The following GLIS3 variants were observed in gnomAD, a reference collection of about 807,000 sequenced individuals.
The protein encoded by GLIS3 is GLIS family zinc finger 3.
Under a neutral mutation model 78.6 loss-of-function variants are expected in GLIS3, and 53 were observed. The ratio of observed to expected loss-of-function variants is 0.67; its 90% CI spans 0.54 to 0.85. The LOEUF (loss-of-function observed/expected upper bound fraction) is 0.85. GLIS3 is among the 40% of genes least tolerant of loss of function. GLIS3 has a pLI of 0.00. For synonymous variants in GLIS3, 684 were observed against 509.9 expected (o/e 1.34, Z -4.60); for missense variants, 1,703 against 1,231.1 (o/e 1.38, Z -5.74).
chr9:4,197,021 G>A (rs1298933089), intron 2 of GLIS3, among the ~76,000 whole-genome samples: 1 of 152,190 alleles, frequency 6.6e-6, no homozygotes, highest in African/African-American at 2.4e-5. Context: ...CACGGACATA[G>A]ATCGTGGTGC....
chr9:4,328,109 T>TCAGTG (rs1817629583), intron 2 of GLIS3, among the ~76,000 whole-genome samples: 1 of 152,124 alleles, frequency 6.6e-6, no homozygotes. Context: ...CGTGGCCCAC[T>TCAGTG]GATGGAAAAG....
intron 4 of GLIS3, among the ~76,000 whole-genome samples, chr9:4,005,469 T>TA (rs1352989458): frequency 6.6e-6 from 1 of 152,234 alleles, no homozygotes; most frequent in Non-Finnish European, 1.5e-5. Flanking sequence ...AACATGGCCC[T>TA]AGGAGCTAAA....
the GLIS3 span, among the ~76,000 whole-genome samples, chr9:4,408,802 CAAT>C: frequency 6.7e-6 from 1 of 149,200 alleles, no homozygotes; most frequent in Non-Finnish European, 1.5e-5. Context: ...GGATTATAGT[CAAT>C]AATAATTTAA....
chr9:4,291,598 A>C (rs763886733), intron 1 of GLIS3, among the ~76,000 whole-genome samples: 33 of 152,134 alleles, frequency 2.2e-4, no homozygotes, highest in Admixed American at 2.6e-4. Context: ...GAAGAAAGAA[A>C]GGAGAGAAAA....
At position 4,184,988 on chromosome 9, in the gene GLIS3, T is replaced by C. The variant is rs565608775; in HGVS notation, c.389-59047A>G. Among the ~76,000 whole-genome samples, 3 of 152,328 alleles carry C rather than the reference T, an allele frequency of 2.0e-5. No individual in the cohort carries two copies. In the South Asian group the frequency reaches 6.2e-4, roughly 32 times the overall value. On this transcript the variant is annotated intron_variant, in intron 2 of 10. Coordinates refer to ENST00000381971, the MANE Select transcript of GLIS3 (RefSeq NM_001042413.2). ...TTATTGAGGTACATTTTACACACCA[T>C]AAAATTCACCTTTGATTATTAGTAA...
intron 2 of GLIS3, among the ~76,000 whole-genome samples, chr9:4,139,743 G>C (rs977353112): frequency 6.6e-6 from 1 of 152,106 alleles, no homozygotes; most frequent in African/African-American, 2.4e-5. Flanking sequence ...TTAGATTCTC[G>C]TAAGGAGCAC....
intron 2 of GLIS3, among the ~76,000 whole-genome samples, chr9:4,276,324 GAGGGGAGGAGAGGGAAGGAGAGGGC>G: frequency 8.4e-6 from 1 of 119,028 alleles, no homozygotes; most frequent in Non-Finnish European, 1.8e-5. Context: ...GAGGGGAGGG[GAGGGGAGGAGAGGGAAGGAGAGGGC>G]ACGGGAGGGA....
rs369869269 is a variant in GLIS3 at position 4,129,717 on chromosome 9, G to A, written c.389-3776C>T. Among the ~76,000 whole-genome samples the A allele has an allele frequency of 3.9e-5, 6 of 152,242 alleles. No homozygotes were observed. The East Asian group carries it at 5.8e-4, about 15-fold the overall frequency. On this transcript the variant is annotated intron_variant, in intron 2 of 10. Coordinates refer to ENST00000381971, the MANE Select transcript of GLIS3 (RefSeq NM_001042413.2). The stretch of plus-strand genomic sequence containing the variant: ...TTTTCTTTATAAATTAGCCAGGCTC[G>A]GGTATTTCTTTATAGCAATGCGAGA...
At chr9:4,064,558 G>A (rs1053330605) in intron 4 of GLIS3, among the ~76,000 whole-genome samples, 1 of 152,272 alleles carries the variant, frequency 6.6e-6, no homozygotes, top group Admixed American at 6.5e-5. Context: ...CCAAGGCCGA[G>A]GCAGGCAGTT....
Position 4,020,242 on chromosome 9 carries a change from G to A in GLIS3, c.1711-83053C>T, listed in dbSNP as rs143650728. ...GTGCAGCAGGAACAGCTGCCCTTGT[G>A]GTAGGAATGGCTGTAAAAGGGGAGG... On this transcript the variant is annotated intron_variant, in intron 4 of 10. Transcript: ENST00000381971. Among the ~76,000 whole-genome samples the A allele has an allele frequency of 1.1e-3, 167 of 152,260 alleles. 1 individual carries two copies. Among genetic ancestry groups the A allele is most frequent in the African/African-American group, 3.9e-3 (160 of 41,546 alleles).
chr9:4,267,088 T>G (rs1826083666), intron 2 of GLIS3, among the ~76,000 whole-genome samples: 1 of 151,888 alleles, frequency 6.6e-6, no homozygotes, highest in Non-Finnish European at 1.5e-5. Context: ...TAAAGGTGAG[T>G]GTCACTGCTT....
At chr9:3,968,404 A>T (rs1403481128) in intron 4 of GLIS3, among the ~76,000 whole-genome samples, 1 of 152,182 alleles carries the variant, frequency 6.6e-6, no homozygotes, top group Non-Finnish European at 1.5e-5. Flanking sequence ...AACAAACAAA[A>T]TTTTTTTAAA....
At chr9:4,274,712 G>A (rs1488761014) in intron 2 of GLIS3, among the ~76,000 whole-genome samples, 1 of 152,106 alleles carries the variant, frequency 6.6e-6, no homozygotes, top group Non-Finnish European at 1.5e-5. Flanking sequence ...TAAGCACAGG[G>A]CACCCCTTCT....
intron 4 of GLIS3, among the ~76,000 whole-genome samples, chr9:4,009,539 G>T (rs917186265): frequency 6.6e-6 from 1 of 152,218 alleles, no homozygotes; most frequent in African/African-American, 2.4e-5. Context: ...GGGACTGGGG[G>T]AAGGAGGCAG....
the GLIS3 span, among the ~76,000 whole-genome samples, chr9:4,380,422 C>A: frequency 0.24 from 36,440 of 152,084 alleles, 5,455 homozygotes; most frequent in African/African-American, 0.41. Context: ...AGTCAGGTGA[C>A]AACAGAGTAT....
intron 2 of GLIS3, among the ~76,000 whole-genome samples, chr9:4,243,162 G>A (rs911490): frequency 0.75 from 113,596 of 152,064 alleles, 44,190 homozygotes; most frequent in East Asian, 0.95. Context: ...ACCTTAATCC[G>A]ATTTTGGTAT....
intron 2 of GLIS3, among the ~76,000 whole-genome samples, chr9:4,337,321 A>G (rs566134275): frequency 1.4e-4 from 21 of 152,382 alleles, no homozygotes; most frequent in Middle Eastern, 3.4e-3. Context: ...AATGTCTAAC[A>G]ATCAGAAAAT....
the GLIS3 span, among the ~76,000 whole-genome samples, chr9:4,440,614 T>C: frequency 3.9e-5 from 6 of 152,240 alleles, no homozygotes; most frequent in Non-Finnish European, 8.8e-5. Flanking sequence ...TTCAGCTTTG[T>C]TCTTTTTGGT....
At chr9:4,018,745 A>G (rs1822633597) in intron 4 of GLIS3, among the ~76,000 whole-genome samples, 1 of 152,164 alleles carries the variant, frequency 6.6e-6, no homozygotes, top group Non-Finnish European at 1.5e-5. Flanking sequence ...ACACACTTGG[A>G]AAAAGAAAGT....
Sources: gnomAD v4.1 joint callset for allele counts (sites outside exome capture counted in the v4.1 genomes callset) on GRCh38, gnomAD v4.1.1 for gene constraint, MANE v1.5 for transcripts, NCBI Gene and HGNC (gene_info 2026-07-23, HGNC 2026-07-21) for gene names.